TAOK1: variants seen among roughly 807,000 people sequenced by gnomAD.
TAOK1 encodes serine/threonine-protein kinase TAO1.
Under a neutral mutation model 138.3 loss-of-function variants are expected in TAOK1, and 21 were observed. That is an observed-to-expected ratio of 0.15 (90% CI 0.11 to 0.22). TAOK1 has a LOEUF of 0.22. TAOK1 is among the 10% of genes least tolerant of loss of function. TAOK1 has a pLI of 1.00. For synonymous variants in TAOK1, 361 were observed against 398.4 expected, an observed-to-expected ratio of 0.91 and a Z score of 1.12; for missense variants, 651 against 1,227.7, an observed-to-expected ratio of 0.53 and a Z score of 7.02.
At chr17:29,418,773 A>G (rs565029250) in intron 1 of TAOK1, among the ~76,000 whole-genome samples, 107 of 152,228 alleles carry the variant, frequency 7.0e-4, no homozygotes, top group African/African-American at 2.5e-3. Context: ...ACTTTGTGGA[A>G]TTGTTTTTTT....
intron 10 of TAOK1, among the ~76,000 whole-genome samples, chr17:29,492,469 T>C (rs1379179187): frequency 6.6e-6 from 1 of 152,214 alleles, no homozygotes; most frequent in East Asian, 1.9e-4. Flanking sequence ...TTTTAATTCA[T>C]GTGGAACAAT....
intron 18 of TAOK1, 25 bp from the exon 19 acceptor site, chr17:29,534,093 T>G (rs762649445): frequency 2.6e-6 from 4 of 1,563,716 alleles, no homozygotes; most frequent in African/African-American, 1.4e-5. Context: ...TATCTTTTTT[T>G]TTTCTCTCTC....
At chr17:29,452,509 A>T (rs1318467964) in intron 2 of TAOK1, among the ~76,000 whole-genome samples, 2 of 152,154 alleles carry the variant, frequency 1.3e-5, no homozygotes, top group African/African-American at 4.8e-5. Context: ...CGTGTGAATT[A>T]AAAAAACTTA....
intron 1 of TAOK1, among the ~76,000 whole-genome samples, chr17:29,398,540 T>A (rs1904733784): frequency 6.7e-6 from 1 of 149,100 alleles, no homozygotes; most frequent in South Asian, 2.1e-4. Flanking sequence ...TTTTCTTTTC[T>A]TTTTTAGAGA....
chr17:29,402,049 C>CTTTTT (rs1904860968), intron 1 of TAOK1, among the ~76,000 whole-genome samples: 1 of 152,142 alleles, frequency 6.6e-6, no homozygotes. Flanking sequence ...CAACAACTCT[C>CTTTTT]CTTCAATCTC....
intron 3 of TAOK1, among the ~76,000 whole-genome samples, chr17:29,470,910 G>A (rs2030799029): frequency 6.6e-6 from 1 of 152,164 alleles, no homozygotes; most frequent in Non-Finnish European, 1.5e-5. Flanking sequence ...ATCACTTGAG[G>A]TCAGGAGTTT....
intron 1 of TAOK1, among the ~76,000 whole-genome samples, chr17:29,406,206 T>C (rs1904986631): frequency 6.6e-6 from 1 of 152,102 alleles, no homozygotes; most frequent in African/African-American, 2.4e-5. Context: ...TCACCCCTGG[T>C]TGTGATGATC....
At chr17:29,462,859 G>A (rs897517313) in intron 2 of TAOK1, among the ~76,000 whole-genome samples, 4 of 152,056 alleles carry the variant, frequency 2.6e-5, no homozygotes, top group Admixed American at 6.6e-5. Flanking sequence ...TCTCTCAACA[G>A]CATCTAGTTT....
intron 1 of TAOK1, among the ~76,000 whole-genome samples, chr17:29,415,256 A>G (rs1280481877): frequency 1.3e-5 from 2 of 152,216 alleles, no homozygotes; most frequent in African/African-American, 4.8e-5. Flanking sequence ...GCGGTGAGCC[A>G]CCGCGCCCAG....
intron 2 of TAOK1, among the ~76,000 whole-genome samples, chr17:29,452,227 A>T (rs7220139): frequency 6.6e-6 from 1 of 151,676 alleles, no homozygotes; most frequent in Non-Finnish European, 1.5e-5. Flanking sequence ...AAAATAAATA[A>T]ATAAATAAAT....
At chr17:29,393,566 A>T (rs770487803) in intron 1 of TAOK1, among the ~76,000 whole-genome samples, 1 of 152,232 alleles carries the variant, frequency 6.6e-6, no homozygotes, top group Non-Finnish European at 1.5e-5. Flanking sequence ...ATTCTAGATT[A>T]GTATGGCACT....
intron 1 of TAOK1, among the ~76,000 whole-genome samples, chr17:29,416,546 T>G (rs553923690): frequency 2.8e-4 from 42 of 151,842 alleles, no homozygotes; most frequent in African/African-American, 9.9e-4. Flanking sequence ...TTACATTATT[T>G]AATTAAATAT....
At position 29,545,849 on chromosome 17, in the gene TAOK1, T is replaced by C. The variant is rs2032394676; in HGVS notation, c.*2827T>C. 6.6e-6 allele frequency: 1 copy of C among 152,146 alleles called. No individual in the cohort carries two copies. Among genetic ancestry groups the C allele is most frequent in the Non-Finnish European group, 1.5e-5 (1 of 67,984 alleles). 9.4% of individuals were successfully genotyped at this position (152,146 alleles called of 1,614,324 possible). A position where few individuals can be genotyped will look rare whatever the true frequency, so the allele number is the denominator to read the frequency against. Reference sequence around the variant, plus strand: ...TGTTGGTGTTCACTCACTATATGTCTTTAAGAAAATTAAAACTATGGAAAA... The same window carrying C: ...TGTTGGTGTTCACTCACTATATGTCCTTAAGAAAATTAAAACTATGGAAAA... On this transcript the variant is annotated 3_prime_UTR_variant, in exon 20 of 20. Transcript: ENST00000261716.
chr17:29,471,424 C>T (rs1315930198), intron 3 of TAOK1, among the ~76,000 whole-genome samples: 1 of 150,300 alleles, frequency 6.7e-6, no homozygotes, highest in African/African-American at 2.4e-5. Flanking sequence ...ACTACAGGTG[C>T]CCGCTACCAC....
chr17:29,539,434 G>A (rs2032278697), intron 19 of TAOK1, among the ~76,000 whole-genome samples: 1 of 152,044 alleles, frequency 6.6e-6, no homozygotes, highest in Admixed American at 6.6e-5. Context: ...TTTTTGTTTT[G>A]TTTTGTTTTT....
chr17:29,475,888 TCGTA>T, intron 4 of TAOK1, 117 bp downstream of exon 4: 1 of 751,648 alleles, frequency 1.3e-6, no homozygotes, highest in Non-Finnish European at 2.3e-6. Context: ...AAATGTTAGT[TCGTA>T]CTGAAAGAAA....
intron 1 of TAOK1, among the ~76,000 whole-genome samples, chr17:29,401,608 C>G (rs1278499660): frequency 1.3e-5 from 2 of 152,090 alleles, no homozygotes; most frequent in African/African-American, 4.8e-5. Flanking sequence ...TACAATTTAA[C>G]ATGAGATTTG....
chr17:29,526,992 G>C (rs1201695856), intron 17 of TAOK1, among the ~76,000 whole-genome samples: 1 of 152,134 alleles, frequency 6.6e-6, no homozygotes, highest in Non-Finnish European at 1.5e-5. Context: ...TGGGTGTGGT[G>C]GCATGCACCT....
At chr17:29,510,254 G>A (rs577026198) in intron 14 of TAOK1, among the ~76,000 whole-genome samples, 10 of 152,158 alleles carry the variant, frequency 6.6e-5, no homozygotes, top group Admixed American at 2.0e-4. Context: ...TCACACACCC[G>A]TAGTCACAGC....
Sources: gnomAD v4.1 joint callset for allele counts (sites outside exome capture counted in the v4.1 genomes callset) on GRCh38, gnomAD v4.1.1 for gene constraint, MANE v1.5 for transcripts, NCBI Gene and HGNC (gene_info 2026-07-23, HGNC 2026-07-21) for gene names.